Variants in MMEL1 observed in about 807,000 individuals in gnomAD.
The protein encoded by MMEL1 is membrane metalloendopeptidase like 1, also known as membrane metallo-endopeptidase-like 1.
Under a neutral mutation model 117.1 loss-of-function variants are expected in MMEL1, and 98 were observed. That is an observed-to-expected ratio of 0.84 (90% CI 0.71 to 0.99). The LOEUF is 0.99. MMEL1 is among the 50% of genes least tolerant of loss of function. The pLI is 0.00. For missense variants in MMEL1, 1,014 were observed against 1,049.1 expected (o/e 0.97, Z 0.46); for synonymous variants, 390 against 415.1 (o/e 0.94, Z 0.74).
intron 2 of MMEL1, among the ~76,000 whole-genome samples, chr1:2,619,337 G>A (rs537630817): frequency 5.9e-5 from 9 of 152,272 alleles, no homozygotes; most frequent in African/African-American, 1.9e-4. Flanking sequence ...ATAAAATAAC[G>A]TAAGTACGTT....
At chr1:2,607,961 T>TC (rs1557540469) in intron 6 of MMEL1, among the ~76,000 whole-genome samples, 9 of 151,966 alleles carry the variant, frequency 5.9e-5, no homozygotes, top group Non-Finnish European at 1.3e-4. Flanking sequence ...AGGGCTGGGT[T>TC]CCCGGCTGGG....
chr1:2,597,299 C>A (rs909385535), intron 13 of MMEL1, among the ~76,000 whole-genome samples: 1 of 151,960 alleles, frequency 6.6e-6, no homozygotes, highest in African/African-American at 2.4e-5. Context: ...TCAGTGCCCC[C>A]CTGACGCTTG....
At chr1:2,630,639 G>A (rs772973540) in intron 1 of MMEL1, among the ~76,000 whole-genome samples, 31 of 150,244 alleles carry the variant, frequency 2.1e-4, no homozygotes, top group East Asian at 5.9e-4. Flanking sequence ...GCCTGTGCTC[G>A]CGTGTGTGCG....
chr1:2,596,563 T>C lies in MMEL1; in HGVS notation c.1399A>G (p.Met467Val). 1.2e-6 allele frequency: 2 copies of C among 1,609,726 alleles called. No individual in the cohort carries two copies. Among genetic ancestry groups the C allele is most frequent in the East Asian group, 2.2e-5 (1 of 44,854 alleles). ...GGCCATGGATGAGGGGCGCCCACCA[T>C]GCTCTTGCTGTCTCCAGGGAACGCC... is the stretch of plus-strand genomic sequence containing the variant. ...REAFPGDSKS[M>V]VRELIDKVRT... is the part of the protein sequence containing the mutation. The change falls in exon 14 of 24, where the codon ATG becomes GTG. Residue 467 changes from methionine to valine, a missense_variant and splice_region_variant. Coordinates refer to ENST00000378412, the MANE Select transcript of MMEL1 (RefSeq NM_033467.4).
chr1:2,598,108 C>A, intron 13 of MMEL1, 99 bp downstream of exon 13: 4 of 1,147,524 alleles, frequency 3.5e-6, no homozygotes, highest in African/African-American at 3.0e-5. Flanking sequence ...ATGGCTGTGA[C>A]CCTGGTGTGG....
chr1:2,617,976 A>G (rs1645231663), intron 2 of MMEL1, among the ~76,000 whole-genome samples: 1 of 152,226 alleles, frequency 6.6e-6, no homozygotes. Flanking sequence ...CTTCTGTAAT[A>G]TGCCAATCAT....
Position 2,591,918 on chromosome 1 carries a change from A to T in MMEL1, c.2163+14T>A, listed in dbSNP as rs753724601. 1 of 1,610,406 alleles carries T rather than the reference A, an allele frequency of 6.2e-7. No homozygotes were observed. Among genetic ancestry groups the T allele is most frequent in the South Asian group, 1.1e-5 (1 of 91,012 alleles). ...GAAGCATGGGGATGGTGGGACCAGG[A>T]CTGCGGCTGCCACCTGGGCATAGTT... On this transcript the variant is annotated intron_variant, in intron 22 of 23. Coordinates refer to ENST00000378412, the MANE Select transcript of MMEL1 (RefSeq NM_033467.4).
At position 2,591,988 on chromosome 1, in the gene MMEL1, G is replaced by A. The variant is rs1001798727; in HGVS notation, c.2107C>T (p.Gln703Ter). ...KWMAEGGKDQ[Q>*]LPGLDLTHEQ... is the part of the protein sequence containing the mutation. ...TGGGTGAGATCCAGGCCGGGCAGCT[G>A]CTGGTCCTTGCCACCCTCTGCCATC... The change falls in exon 22 of 24, where the codon CAG becomes TAG. Residue 703 changes from glutamine to a stop codon, truncating the protein, a stop_gained. Transcript: ENST00000378412. LOFTEE classifies it high-confidence loss of function. The A allele has an allele frequency of 6.2e-7, 1 of 1,613,320 alleles. No homozygotes were observed. Among genetic ancestry groups the A allele is most frequent in the East Asian group, 2.2e-5 (1 of 44,880 alleles).
chr1:2,601,169 A>G (rs1451679569), intron 11 of MMEL1, among the ~76,000 whole-genome samples: 1 of 152,244 alleles, frequency 6.6e-6, no homozygotes, highest in African/African-American at 2.4e-5. Flanking sequence ...CTTGAAGAAC[A>G]AAGTTGAAAT....
At position 2,631,419 on chromosome 1, in the gene MMEL1, G is replaced by A. The variant is rs1210318433; in HGVS notation, c.-38+1447C>T. 3.3e-5 allele frequency among the ~76,000 whole-genome samples: 5 copies of A among 150,116 alleles called. No homozygotes were observed. In the East Asian group the frequency reaches 9.9e-4, roughly 30 times the overall value. ...CCACCGCCCCCCTGCTGTGGACTTTGCCTGAGTTCTGTCCCTGACTCCCTG... is the reference window on the plus strand; with the variant it reads ...CCACCGCCCCCCTGCTGTGGACTTTACCTGAGTTCTGTCCCTGACTCCCTG... On this transcript the variant is annotated intron_variant, in intron 1 of 23. Coordinates refer to ENST00000378412, the MANE Select transcript of MMEL1 (RefSeq NM_033467.4).
In MMEL1 at chr1:2,632,874, A is replaced by G. The variant is rs1638655951; in HGVS notation, c.-46T>C. On this transcript the variant is annotated 5_prime_UTR_variant, in exon 1 of 24. Coordinates refer to ENST00000378412, the MANE Select transcript of MMEL1 (RefSeq NM_033467.4). ...CCTTCAGCACAACTCACCTTTGCTC[A>G]CTCAGGAGTGGCTGCCGCCCACAGT... 3 of 985,538 alleles carry G rather than the reference A, an allele frequency of 3.0e-6. No homozygotes were observed. Among genetic ancestry groups the G allele is most frequent in the Non-Finnish European group, 3.6e-6 (3 of 829,976 alleles). 61.0% of individuals were successfully genotyped at this position (985,538 alleles called of 1,614,324 possible). A position where few individuals can be genotyped will look rare whatever the true frequency, so the allele number is the denominator to read the frequency against.
chr1:2,604,214 G>A lies in MMEL1; in HGVS notation c.884C>T (p.Pro295Leu), dbSNP rs1255052342. The A allele has an allele frequency of 6.2e-7, 1 of 1,612,712 alleles. No homozygotes were observed. Among genetic ancestry groups the A allele is most frequent in the Non-Finnish European group, 8.5e-7 (1 of 1,179,960 alleles). The stretch of plus-strand genomic sequence containing the variant: ...CTCCTGCACCAGGCAGCTGTCCCTG[G>A]GCAGGTTTGCATCCTCCCGCAGCAA... ...ATLLREDANL[P>L]RDSCLVQEDM... Residue 295 changes from proline (P) to leucine (L), a missense_variant, in exon 10 of 24, where the codon CCC (proline) becomes CTC (leucine). Coordinates refer to ENST00000378412, the MANE Select transcript of MMEL1 (RefSeq NM_033467.4).
chr1:2,620,318 T>C (rs1383651086), intron 2 of MMEL1, among the ~76,000 whole-genome samples: 1 of 152,196 alleles, frequency 6.6e-6, no homozygotes, highest in Non-Finnish European at 1.5e-5. Context: ...CTCAGACTCA[T>C]TTAACCAATT....
intron 9 of MMEL1, 48 bp from the exon 10 acceptor site, chr1:2,604,329 G>T (rs1644987029): frequency 1.2e-6 from 2 of 1,601,262 alleles, no homozygotes; most frequent in Admixed American, 1.7e-5. Context: ...AGCCACCATG[G>T]CCCCCAGGGA....
rs1361737461 is a variant in MMEL1, at chr1:2,591,631, C to T, written c.2166G>A (p.Val722=). The T allele has an allele frequency of 6.2e-7, 1 of 1,612,772 alleles. No homozygotes were observed. The highest frequency in any genetic ancestry group is 1.3e-5 in the African/African-American group (1 of 74,632). Residue 722 remains valine (V), a splice_region_variant and synonymous_variant, in exon 23 of 24, where the codon GTG becomes GTA. Coordinates refer to ENST00000378412, the MANE Select transcript of MMEL1 (RefSeq NM_033467.4). ...EQLFFINYAQ[V]WCGSYRPEFA... ...ACTCGGGCCGGTAGGACCCGCACCACACCTGTGGGCATGTTGGGGGCGTGG... is the reference window on the plus strand; with the variant it reads ...ACTCGGGCCGGTAGGACCCGCACCATACCTGTGGGCATGTTGGGGGCGTGG...
At chr1:2,617,375 C>A (rs562615669) in intron 2 of MMEL1, among the ~76,000 whole-genome samples, 23 of 145,162 alleles carry the variant, frequency 1.6e-4, no homozygotes, top group African/African-American at 5.2e-4. Flanking sequence ...TGCAGTGAGC[C>A]GAGATCGCGC....
At chr1:2,618,972 CA>C (rs143146463) in intron 2 of MMEL1, among the ~76,000 whole-genome samples, 3 of 152,292 alleles carry the variant, frequency 2.0e-5, no homozygotes, top group African/African-American at 7.2e-5. Context: ...GTTGCTCCCA[CA>C]AAAGGGACAA....
intron 6 of MMEL1, among the ~76,000 whole-genome samples, chr1:2,608,902 TGA>T (rs1219075905): frequency 2.6e-5 from 2 of 77,246 alleles, no homozygotes; most frequent in East Asian, 3.4e-4. Context: ...GATACATGCA[TGA>T]ACACATATAT....
At chr1:2,596,470 A>G in intron 14 of MMEL1, 91 bp downstream of exon 14, 1 of 1,527,036 alleles carries the variant, frequency 6.5e-7, no homozygotes, top group Non-Finnish European at 8.8e-7. Flanking sequence ...GGTGCCCCTG[A>G]GCCTGGGCGG....
Sources: gnomAD v4.1 joint callset for allele counts (sites outside exome capture counted in the v4.1 genomes callset) on GRCh38, gnomAD v4.1.1 for gene constraint, MANE v1.5 for transcripts, NCBI Gene and HGNC (gene_info 2026-07-23, HGNC 2026-07-21) for gene names.